DDX60L: variants seen among roughly 807,000 people sequenced by gnomAD.
DDX60L encodes the protein probable ATP-dependent RNA helicase DDX60-like.
A neutral mutation model predicts 211.6 loss-of-function variants in DDX60L; 191 were observed. The ratio of observed to expected loss-of-function variants is 0.90; its 90% CI spans 0.80 to 1.02. DDX60L has a LOEUF of 1.02. Among genes scored for constraint, DDX60L ranks in the 50% least tolerant of loss-of-function variants. DDX60L has a pLI of 0.00. For missense variants in DDX60L, 2,007 were observed against 1,984.1 expected (o/e 1.01, Z -0.22); for synonymous variants, 706 against 694.1 (o/e 1.02, Z -0.27).
At chr4:168,465,598 T>G (rs779931967) in intron 4 of DDX60L, among the ~76,000 whole-genome samples, 1 of 152,126 alleles carries the variant, frequency 6.6e-6, no homozygotes, top group Non-Finnish European at 1.5e-5. Context: ...ATTTCCCCTA[T>G]GTTTTTTTCT....
At chr4:168,451,717 A>C (rs569912889) in intron 8 of DDX60L, among the ~76,000 whole-genome samples, 1 of 152,280 alleles carries the variant, frequency 6.6e-6, no homozygotes, top group Admixed American at 6.5e-5. Flanking sequence ...CATTATTCTT[A>C]GGATTTCCTA....
At chr4:168,440,826 G>C (rs914761998) in intron 10 of DDX60L, among the ~76,000 whole-genome samples, 1 of 152,178 alleles carries the variant, frequency 6.6e-6, no homozygotes, top group African/African-American at 2.4e-5. Context: ...CAAATGGACA[G>C]AGTGTAATAT....
chr4:168,446,000 A>G (rs936746905), intron 9 of DDX60L, among the ~76,000 whole-genome samples: 2 of 146,070 alleles, frequency 1.4e-5, no homozygotes, highest in African/African-American at 5.0e-5. Flanking sequence ...CACCACTCCT[A>G]TTCAACATAG....
At chr4:168,359,373 C>A (rs1738714416) in intron 37 of DDX60L, among the ~76,000 whole-genome samples, 1 of 152,176 alleles carries the variant, frequency 6.6e-6, no homozygotes, top group African/African-American at 2.4e-5. Context: ...ATTGTCAGTT[C>A]TGAAGTCATC....
chr4:168,424,839 G>T (rs1579557015), intron 14 of DDX60L, among the ~76,000 whole-genome samples: 1 of 152,218 alleles, frequency 6.6e-6, no homozygotes, highest in East Asian at 1.9e-4. Context: ...CCAATTCAAA[G>T]TTCACATTTT....
Position 168,358,135 on chromosome 4 carries a change from T to C in DDX60L, c.*12A>G. The C allele has an allele frequency of 6.2e-7, 1 of 1,605,262 alleles. No individual in the cohort carries two copies. Among genetic ancestry groups the C allele is most frequent in the South Asian group, 1.1e-5 (1 of 89,888 alleles). On this transcript the variant is annotated 3_prime_UTR_variant, in exon 38 of 38. Coordinates refer to ENST00000682922, the MANE Select transcript of DDX60L (RefSeq NM_001012967.3). ...AATACCACATAATCAGACTTGAAAG[T>C]TTTCCATGGTGTTATTCTAAATGAT... is the stretch of plus-strand genomic sequence containing the variant.
intron 24 of DDX60L, 65 bp downstream of exon 24, chr4:168,405,885 T>C (rs1161327179): frequency 1.4e-6 from 2 of 1,457,168 alleles, no homozygotes; most frequent in African/African-American, 1.4e-5. Context: ...ATTGGCTAAA[T>C]TATTATGCAA....
At chr4:168,479,142 GGATGGATGGATGGATGGATGGATA>G (rs1367882546) in intron 1 of DDX60L, among the ~76,000 whole-genome samples, 1 of 138,038 alleles carries the variant, frequency 7.2e-6, no homozygotes, top group Non-Finnish European at 1.6e-5. Flanking sequence ...ATGGATGGAT[GGATGGATGGATGGATGGATGGATA>G]GAGAGATAGG....
intron 12 of DDX60L, among the ~76,000 whole-genome samples, chr4:168,432,142 C>G (rs1202727064): frequency 6.6e-6 from 1 of 151,850 alleles, no homozygotes. Flanking sequence ...ACAGATACAT[C>G]TGCATGCATA....
intron 28 of DDX60L, among the ~76,000 whole-genome samples, chr4:168,393,099 TAC>T (rs1279721982): frequency 6.6e-6 from 1 of 152,218 alleles, no homozygotes; most frequent in Non-Finnish European, 1.5e-5. Flanking sequence ...AAATAAATGA[TAC>T]AGATATGAAA....
chr4:168,358,589 G>A (rs547412445), intron 37 of DDX60L, among the ~76,000 whole-genome samples: 19 of 139,108 alleles, frequency 1.4e-4, no homozygotes, highest in South Asian at 1.1e-3. Context: ...GTGCAGTGGC[G>A]TGATCTGATC....
At chr4:168,415,596 AT>A in intron 21 of DDX60L, 60 bp downstream of exon 21, 3 of 1,433,926 alleles carry the variant, frequency 2.1e-6, no homozygotes, top group Non-Finnish European at 2.8e-6. Flanking sequence ...AAAAATCCCT[AT>A]AAAAAGCTTT....
chr4:168,385,109 A>G (rs377039123), intron 29 of DDX60L, among the ~76,000 whole-genome samples: 18 of 152,218 alleles, frequency 1.2e-4, no homozygotes, highest in East Asian at 7.7e-4. Context: ...GGCAGTCTCT[A>G]GGCAGCTTCA....
chr4:168,358,712 G>A (rs1472485433), intron 37 of DDX60L, among the ~76,000 whole-genome samples: 1 of 151,592 alleles, frequency 6.6e-6, no homozygotes. Flanking sequence ...TAGCGACAGG[G>A]TTTCACCATC....
At chr4:168,449,666 G>GCAAAAAAAAAAAAAA (rs1755482673) in intron 8 of DDX60L, among the ~76,000 whole-genome samples, 1 of 19,824 alleles carries the variant, frequency 5.0e-5, no homozygotes, top group Non-Finnish European at 8.5e-5. Context: ...AAAAAAAAAA[G>GCAAAAAAAAAAAAAA]AAAAAAGAAA....
Position 168,357,319 on chromosome 4 carries a change from GT to G in DDX60L, c.*827del, listed in dbSNP as rs1227104823. On this transcript the variant is annotated 3_prime_UTR_variant, in exon 38 of 38. Transcript: ENST00000682922. ...TGGTTTATAACTACTCCAAGTGACTGTTTTAGTCAATTCAGACTGCTTCAAC... is the reference window on the plus strand; with the variant it reads ...TGGTTTATAACTACTCCAAGTGACTGTTTAGTCAATTCAGACTGCTTCAAC... 1 of 152,180 alleles carries G rather than the reference GT, an allele frequency of 6.6e-6. No individual in the cohort carries two copies. The highest frequency in any genetic ancestry group is 1.5e-5 in the Non-Finnish European group (1 of 68,022). The allele number at this position is 152,180 out of a possible 1,614,324, so 9.4% of individuals were successfully genotyped here.
chr4:168,479,784 A>T (rs1760146209), intron 1 of DDX60L, among the ~76,000 whole-genome samples: 1 of 150,756 alleles, frequency 6.6e-6, no homozygotes, highest in Non-Finnish European at 1.5e-5. Flanking sequence ...CTGGCCTAAC[A>T]TGGTGAAACC....
At chr4:168,389,635 A>C (rs1744457106) in intron 29 of DDX60L, among the ~76,000 whole-genome samples, 1 of 152,234 alleles carries the variant, frequency 6.6e-6, no homozygotes, top group Non-Finnish European at 1.5e-5. Context: ...TTGGAGACTG[A>C]ATTTTCTATT....
intron 25 of DDX60L, among the ~76,000 whole-genome samples, chr4:168,402,871 G>A (rs1747080164): frequency 6.6e-6 from 1 of 152,182 alleles, no homozygotes; most frequent in African/African-American, 2.4e-5. Context: ...CTCCGTTAAA[G>A]CTGGCAAAGA....
Sources: gnomAD v4.1 joint callset for allele counts (sites outside exome capture counted in the v4.1 genomes callset) on GRCh38, gnomAD v4.1.1 for gene constraint, MANE v1.5 for transcripts, NCBI Gene and HGNC (gene_info 2026-07-23, HGNC 2026-07-21) for gene names.